The following PIAS2 variants were observed in gnomAD, a reference collection of about 807,000 sequenced individuals.
PIAS2 encodes protein inhibitor of activated STAT 2.
Under a neutral mutation model 69.7 loss-of-function variants are expected in PIAS2, and 19 were observed. The observed-to-expected ratio is 0.27, with a 90% CI of 0.19 to 0.40. PIAS2 has a LOEUF of 0.40. PIAS2 is among the 10% of genes least tolerant of loss of function. The pLI is 1.00. For synonymous variants in PIAS2, 261 were observed against 263.2 expected (o/e 0.99, Z 0.08); for missense variants, 624 against 757.0 (o/e 0.82, Z 2.06).
intron 1 of PIAS2, among the ~76,000 whole-genome samples, chr18:46,909,105 GA>G (rs1208359248): frequency 6.6e-6 from 1 of 152,126 alleles, no homozygotes; most frequent in Non-Finnish European, 1.5e-5. Flanking sequence ...AAATCAGTAT[GA>G]AATAATTTTT....
chr18:46,847,397 A>G (rs1052574535), intron 5 of PIAS2, among the ~76,000 whole-genome samples: 6 of 152,130 alleles, frequency 3.9e-5, no homozygotes, highest in Non-Finnish European at 8.8e-5. Flanking sequence ...GATAATCAAC[A>G]TTTCAGTTGT....
chr18:46,916,953 A>C (rs1284201305), intron 1 of PIAS2: 18 of 985,462 alleles, frequency 1.8e-5, no homozygotes, highest in Middle Eastern at 5.2e-4. Context: ...AGACACGTAC[A>C]CCCCGGTGAA....
chr18:46,873,612 C>T (rs1299029730), intron 2 of PIAS2, among the ~76,000 whole-genome samples: 2 of 152,156 alleles, frequency 1.3e-5, no homozygotes, highest in Non-Finnish European at 2.9e-5. Flanking sequence ...TATACTGATT[C>T]TAAATATGTC....
intron 2 of PIAS2, among the ~76,000 whole-genome samples, chr18:46,864,636 G>A (rs558975591): frequency 3.9e-5 from 6 of 152,054 alleles, no homozygotes; most frequent in Admixed American, 6.5e-5. Flanking sequence ...TGGGCATGGT[G>A]GTGCATGCCT....
At chr18:46,881,491 C>T (rs914315976) in intron 2 of PIAS2, among the ~76,000 whole-genome samples, 7 of 152,006 alleles carry the variant, frequency 4.6e-5, no homozygotes, top group Non-Finnish European at 8.8e-5. Flanking sequence ...CTAAAATAAA[C>T]CATTTTATTT....
intron 13 of PIAS2, among the ~76,000 whole-genome samples, chr18:46,813,892 A>G (rs56352844): frequency 0.071 from 10,784 of 152,254 alleles, 413 homozygotes; most frequent in Non-Finnish European, 0.081. Context: ...AAGGAGCTCT[A>G]AAGATGGTTG....
At chr18:46,869,312 G>A (rs1201674243) in intron 2 of PIAS2, among the ~76,000 whole-genome samples, 1 of 152,102 alleles carries the variant, frequency 6.6e-6, no homozygotes, top group African/African-American at 2.4e-5. Flanking sequence ...TACGAGGAGG[G>A]ACTGAGCCTC....
At chr18:46,910,768 T>C (rs2057171622) in intron 1 of PIAS2, among the ~76,000 whole-genome samples, 1 of 152,238 alleles carries the variant, frequency 6.6e-6, no homozygotes, top group Non-Finnish European at 1.5e-5. Flanking sequence ...AATGGACCTC[T>C]GATTAGCACA....
intron 8 of PIAS2, among the ~76,000 whole-genome samples, chr18:46,837,680 C>T (rs2044661974): frequency 6.6e-6 from 1 of 152,080 alleles, no homozygotes; most frequent in African/African-American, 2.4e-5. Flanking sequence ...AATTCTTATT[C>T]CAACTAGTAG....
chr18:46,902,560 CA>C (rs1038943129), intron 1 of PIAS2, among the ~76,000 whole-genome samples: 26 of 145,100 alleles, frequency 1.8e-4, no homozygotes, highest in Admixed American at 2.7e-4. Context: ...AACTCTGTCT[CA>C]AAAAAAAAAG....
chr18:46,895,489 G>C (rs2054708625), intron 1 of PIAS2, among the ~76,000 whole-genome samples: 1 of 152,098 alleles, frequency 6.6e-6, no homozygotes, highest in Non-Finnish European at 1.5e-5. Flanking sequence ...AGGCCAAAAA[G>C]GCAAAACCCT....
intron 13 of PIAS2, among the ~76,000 whole-genome samples, chr18:46,814,758 T>C (rs1241495868): frequency 1.3e-5 from 2 of 152,218 alleles, no homozygotes; most frequent in African/African-American, 4.8e-5. Context: ...GTCTGTGCAA[T>C]CCAGGCTCAC....
intron 1 of PIAS2, among the ~76,000 whole-genome samples, chr18:46,901,833 G>A (rs531484313): frequency 3.2e-4 from 49 of 152,278 alleles, no homozygotes; most frequent in Non-Finnish European, 5.9e-4. Context: ...TACTCAGGGC[G>A]GAAAGATTGC....
intron 1 of PIAS2, among the ~76,000 whole-genome samples, chr18:46,900,424 T>G (rs780771420): frequency 2.0e-5 from 3 of 151,524 alleles, no homozygotes; most frequent in Admixed American, 6.6e-5. Context: ...ATCCCAGCTA[T>G]TTGGGAGGCT....
At chr18:46,815,240 TG>T in intron 13 of PIAS2, 71 bp downstream of exon 13, 1 of 1,229,600 alleles carries the variant, frequency 8.1e-7, no homozygotes, top group South Asian at 1.2e-5. Flanking sequence ...TTTATGCAAC[TG>T]GTCATTTTTA....
chr18:46,836,671 A>C (rs943671869), intron 8 of PIAS2, among the ~76,000 whole-genome samples, 154 bp from the exon 9 acceptor site: 3 of 152,228 alleles, frequency 2.0e-5, no homozygotes, highest in African/African-American at 7.2e-5. Flanking sequence ...GAAGATTACA[A>C]TATATTTTTA....
chr18:46,868,607 C>T lies in PIAS2; in HGVS notation c.500-4359G>A, dbSNP rs565204141. 9.9e-5 allele frequency among the ~76,000 whole-genome samples: 15 copies of T among 152,262 alleles called. No individual in the cohort carries two copies. In the South Asian group the frequency reaches 1.0e-3, roughly 11 times the overall value. ...AAAGGACACAGAACCAGAGATTAAC[C>T]GTGTTAGGGATAAAAACCCCTTCCC... On this transcript the variant is annotated intron_variant, in intron 2 of 13. Transcript: ENST00000585916.
chr18:46,886,486 C>G (rs193165332), intron 2 of PIAS2, among the ~76,000 whole-genome samples: 1 of 152,182 alleles, frequency 6.6e-6, no homozygotes, highest in African/African-American at 2.4e-5. Context: ...AAAAACAAGG[C>G]TAAAGATGAA....
chr18:46,828,846 A>G (rs771863142), intron 10 of PIAS2, among the ~76,000 whole-genome samples: 12 of 152,230 alleles, frequency 7.9e-5, no homozygotes, highest in Non-Finnish European at 1.6e-4. Context: ...TTAAAAATGA[A>G]TGACAGTTGA....
Sources: allele counts gnomAD v4.1 joint callset (sites outside exome capture counted in the v4.1 genomes callset), GRCh38; gene constraint gnomAD v4.1.1; transcripts MANE v1.5; gene names NCBI Gene and HGNC (gene_info 2026-07-23, HGNC 2026-07-21).